HPRT1: variants seen among roughly 807,000 people sequenced by gnomAD.
HPRT1 encodes the protein hypoxanthine phosphoribosyltransferase 1.
In HPRT1, 4 loss-of-function variants were observed where a neutral mutation model predicts 19.0. The ratio of observed to expected loss-of-function variants is 0.21; its 90% CI spans 0.10 to 0.48. HPRT1 has a LOEUF of 0.48. HPRT1 is among the 20% of genes least tolerant of loss of function. HPRT1 has a pLI of 0.98. For synonymous variants in HPRT1, 53 were observed against 54.9 expected (o/e 0.97, Z 0.15); for missense variants, 65 against 164.0 (o/e 0.40, Z 3.30).
intron 5 of HPRT1, 68 bp from the exon 6 acceptor site, chrX:134,493,440 A>G (rs767466109): frequency 1.1e-5 from 8 of 707,102 alleles, no homozygotes; most frequent in South Asian, 4.2e-5. Context: ...GCAGTTATAC[A>G]TGGGGGTTTT....
chrX:134,495,325 G>A (rs1040654141), intron 6 of HPRT1, among the ~76,000 whole-genome samples: 2 of 111,070 alleles, frequency 1.8e-5, no homozygotes, highest in African/African-American at 6.6e-5. Flanking sequence ...GTTTAGTCTC[G>A]CATTTCACTG....
At chrX:134,491,702 T>C (rs1569358449) in intron 5 of HPRT1, among the ~76,000 whole-genome samples, 1 of 109,512 alleles carries the variant, frequency 9.1e-6, no homozygotes, top group Non-Finnish European at 1.9e-5. Flanking sequence ...CCCTTTCCTC[T>C]TCAATTCACT....
At chrX:134,493,701 A>T in intron 6 of HPRT1, 111 bp downstream of exon 6, 1 of 554,983 alleles carries the variant, frequency 1.8e-6, no homozygotes, top group Non-Finnish European at 3.2e-6. Flanking sequence ...TCGAAAAGTA[A>T]TGTAATCTCA....
intron 3 of HPRT1, among the ~76,000 whole-genome samples, chrX:134,475,847 G>A (rs1383893546): frequency 9.0e-6 from 1 of 111,382 alleles, no homozygotes; most frequent in Non-Finnish European, 1.9e-5. Flanking sequence ...AGAGTAAGTC[G>A]CACCAGAAAC....
chrX:134,467,297 C>T (rs1290518156), intron 1 of HPRT1, among the ~76,000 whole-genome samples: 2 of 111,831 alleles, frequency 1.8e-5, no homozygotes, highest in Admixed American at 9.5e-5. Flanking sequence ...GTGATCCACC[C>T]GCCTCAGCCT....
intron 1 of HPRT1, among the ~76,000 whole-genome samples, chrX:134,462,501 A>G (rs2077587182): frequency 9.0e-6 from 1 of 111,071 alleles, no homozygotes; most frequent in African/African-American, 3.3e-5. Context: ...TATTTTTTGT[A>G]GAGATGGTGT....
chrX:134,493,395 GT>G (rs2077672825), intron 5 of HPRT1, 112 bp from the exon 6 acceptor site: 1 of 559,566 alleles, frequency 1.8e-6, no homozygotes, highest in Non-Finnish European at 3.2e-6. Context: ...GTAGATTTTG[GT>G]GAGAATTACT....
At chrX:134,462,770 T>C (rs6638240) in intron 1 of HPRT1, among the ~76,000 whole-genome samples, 16,528 of 112,115 alleles carry the variant, frequency 0.15, 1,155 homozygotes, top group African/African-American at 0.26. Context: ...AAAAAATTTC[T>C]TTCCCTTAAA....
At chrX:134,475,060 TG>T in intron 2 of HPRT1, 120 bp from the exon 3 acceptor site, 2 of 509,266 alleles carry the variant, frequency 3.9e-6, no homozygotes, top group Admixed American at 3.6e-5. Flanking sequence ...TTTTTTTTTT[TG>T]CAGGCATGGG....
chrX:134,480,573 A>G (rs1215799358), intron 3 of HPRT1, among the ~76,000 whole-genome samples: 1 of 105,134 alleles, frequency 9.5e-6, no homozygotes, highest in Admixed American at 1.0e-4. Context: ...CCTCCCAAGT[A>G]TCTGAGACTA....
At chrX:134,489,710 A>G (rs1342526502) in intron 4 of HPRT1, among the ~76,000 whole-genome samples, 1 of 112,110 alleles carries the variant, frequency 8.9e-6, no homozygotes, top group Non-Finnish European at 1.9e-5. Flanking sequence ...AAGAATATGG[A>G]CACATCCAGA....
chrX:134,480,609 A>C (rs1282739999), intron 3 of HPRT1, among the ~76,000 whole-genome samples: 2 of 97,282 alleles, frequency 2.1e-5, no homozygotes, highest in African/African-American at 7.9e-5. Flanking sequence ...ACCCATGGCT[A>C]TTTTAAAAAA....
At chrX:134,463,409 T>C (rs997108106) in intron 1 of HPRT1, among the ~76,000 whole-genome samples, 1 of 111,843 alleles carries the variant, frequency 8.9e-6, no homozygotes, top group African/African-American at 3.2e-5. Context: ...TTTTACAGAA[T>C]TGGTAAAACG....
chrX:134,490,778 G>A (rs930365793), intron 5 of HPRT1, among the ~76,000 whole-genome samples: 1 of 108,510 alleles, frequency 9.2e-6, no homozygotes, highest in African/African-American at 3.3e-5. Flanking sequence ...TCTGTGATGA[G>A]GCCCAGCAAG....
At chrX:134,481,501 C>CTA (rs1309383896) in intron 3 of HPRT1, among the ~76,000 whole-genome samples, 52 of 89,463 alleles carry the variant, frequency 5.8e-4, no homozygotes, top group African/African-American at 2.0e-3. Flanking sequence ...CTCTATCTGT[C>CTA]TATCTCTATC....
At chrX:134,460,707 G>A (rs998480506) in intron 1 of HPRT1, among the ~76,000 whole-genome samples, 13 of 110,355 alleles carry the variant, frequency 1.2e-4, no homozygotes, top group African/African-American at 4.0e-4. Context: ...TCTCGGGAGA[G>A]GCCCTTCCCT....
intron 5 of HPRT1, chrX:134,492,510 G>T (rs1229447755): frequency 3.0e-6 from 1 of 328,447 alleles, no homozygotes; most frequent in African/African-American, 2.7e-5. Flanking sequence ...GTTCCTTCAG[G>T]TTGTTGGCAG....
chrX:134,496,257 G>A (rs933459984), intron 6 of HPRT1, among the ~76,000 whole-genome samples: 1 of 111,755 alleles, frequency 8.9e-6, no homozygotes, highest in Non-Finnish European at 1.9e-5. Flanking sequence ...CCTTTTTATT[G>A]TAGCCATCCT....
At chrX:134,488,891 C>T (rs748811520) in intron 4 of HPRT1, among the ~76,000 whole-genome samples, 23 of 111,891 alleles carry the variant, frequency 2.1e-4, no homozygotes, top group African/African-American at 7.5e-4. Flanking sequence ...TCCCCATGTC[C>T]TGAGTTCCAC....
Sources: allele counts gnomAD v4.1 joint callset (sites outside exome capture counted in the v4.1 genomes callset), GRCh38; gene constraint gnomAD v4.1.1; transcripts MANE v1.5; gene names NCBI Gene and HGNC (gene_info 2026-07-23, HGNC 2026-07-21).